Variants in IRAK1BP1 observed in about 807,000 individuals in gnomAD.
IRAK1BP1 encodes interleukin-1 receptor-associated kinase 1-binding protein 1.
In IRAK1BP1, 24 loss-of-function variants were observed where a neutral mutation model predicts 28.0. The observed-to-expected ratio is 0.86, with a 90% confidence interval of 0.62 to 1.20. The LOEUF (loss-of-function observed/expected upper bound fraction) is 1.20. IRAK1BP1 is among the 50% of genes most tolerant of loss of function. IRAK1BP1 has a pLI of 0.00. For missense variants in IRAK1BP1, 336 were observed against 316.7 expected, an observed-to-expected ratio of 1.06 and a Z score of -0.46; for synonymous variants, 131 against 116.3, an observed-to-expected ratio of 1.13 and a Z score of -0.81.
At chr6:78,963,857 A>C in the IRAK1BP1 span, among the ~76,000 whole-genome samples, 2 of 152,200 alleles carry the variant, frequency 1.3e-5, no homozygotes, top group African/African-American at 4.8e-5. Context: ...TTTGGCAGAT[A>C]CACTCTAGAA....
chr6:78,921,220 C>A (rs910264936), intron 4 of IRAK1BP1, among the ~76,000 whole-genome samples: 3 of 152,148 alleles, frequency 2.0e-5, no homozygotes. Context: ...CGGGTAACTC[C>A]CACCCTAATA....
chr6:78,962,980 T>A, the IRAK1BP1 span: 1 of 780,102 alleles, frequency 1.3e-6, no homozygotes, highest in Admixed American at 2.8e-5. Context: ...ACTTAAAATG[T>A]CTGAAACCAC....
the IRAK1BP1 span, chr6:78,966,086 T>A: frequency 7.7e-7 from 1 of 1,305,186 alleles, no homozygotes; most frequent in East Asian, 2.3e-5. Context: ...AACTCATCAT[T>A]CTGAAATGCA....
intron 4 of IRAK1BP1, among the ~76,000 whole-genome samples, chr6:78,910,513 ACT>A (rs2127661319): frequency 6.6e-6 from 1 of 152,402 alleles, no homozygotes; most frequent in South Asian, 2.1e-4. Context: ...AACAATAGTT[ACT>A]GTTTGACGAA....
intron 1 of IRAK1BP1, chr6:78,871,908 T>C: frequency 1.9e-6 from 1 of 529,664 alleles, no homozygotes; most frequent in East Asian, 3.2e-5. Context: ...AGGCCCAGCT[T>C]CCATCTGACA....
the IRAK1BP1 span, among the ~76,000 whole-genome samples, chr6:78,979,115 G>A: frequency 6.3e-4 from 96 of 152,120 alleles, 1 homozygote; most frequent in South Asian, 8.1e-3. Context: ...GAACATCCCT[G>A]GATTTTGTTA....
At chr6:78,956,944 T>C in the IRAK1BP1 span, 5 of 152,206 alleles carry the variant, frequency 3.3e-5, no homozygotes, top group East Asian at 1.9e-4. Context: ...TATGTATCAA[T>C]TGCTTGAAAT....
intron 4 of IRAK1BP1, chr6:78,945,308 A>G (rs1773743521): frequency 1.2e-6 from 2 of 1,607,020 alleles, no homozygotes; most frequent in East Asian, 2.2e-5. Context: ...ACCTTGCTCA[A>G]TGACAGCTGA....
chr6:78,907,029 T>C (rs530001940), downstream of IRAK1BP1, among the ~76,000 whole-genome samples: 3 of 152,300 alleles, frequency 2.0e-5, no homozygotes, highest in South Asian at 6.2e-4. Flanking sequence ...TGAAATGCCA[T>C]ATTGATACAG....
At chr6:78,935,791 A>G (rs948050546) in intron 4 of IRAK1BP1, 1 of 974,746 alleles carries the variant, frequency 1.0e-6, no homozygotes, top group African/African-American at 1.8e-5. Context: ...CAGCTTGTTG[A>G]GATTATGTAC....
At chr6:78,931,201 G>A (rs1169783820) in intron 4 of IRAK1BP1, among the ~76,000 whole-genome samples, 1 of 152,058 alleles carries the variant, frequency 6.6e-6, no homozygotes, top group African/African-American at 2.4e-5. Flanking sequence ...AGGAGTTTGA[G>A]ACCAGCATGG....
At chr6:78,917,812 C>T (rs1380223019) in intron 4 of IRAK1BP1, among the ~76,000 whole-genome samples, 2 of 152,190 alleles carry the variant, frequency 1.3e-5, no homozygotes, top group East Asian at 3.9e-4. Context: ...AATTTCATAT[C>T]CTGCCAAACT....
At chr6:78,917,586 T>A (rs1253089805) in intron 4 of IRAK1BP1, among the ~76,000 whole-genome samples, 1 of 114,738 alleles carries the variant, frequency 8.7e-6, no homozygotes, top group Non-Finnish European at 1.7e-5. Context: ...CTATACAAAA[T>A]GAACATTGCC....
intron 1 of IRAK1BP1, among the ~76,000 whole-genome samples, chr6:78,872,473 A>G (rs1289208295): frequency 2.6e-5 from 4 of 152,220 alleles, no homozygotes; most frequent in African/African-American, 9.6e-5. Flanking sequence ...TTACAGGTTA[A>G]GCATCCCATC....
At chr6:78,945,880 G>T in exon 5 of IRAK1BP1, 1 of 714,762 alleles carries the variant, frequency 1.4e-6, no homozygotes, top group Admixed American at 2.5e-5. Flanking sequence ...AATTAATAAA[G>T]AAGGCAAAAA....
At chr6:78,962,616 G>T in the IRAK1BP1 span, among the ~76,000 whole-genome samples, 3 of 152,106 alleles carry the variant, frequency 2.0e-5, no homozygotes, top group Non-Finnish European at 4.4e-5. Context: ...CCAGAATTTA[G>T]ATAATCAAGT....
chr6:78,905,870 G>A (rs553096887), downstream of IRAK1BP1, among the ~76,000 whole-genome samples: 2 of 152,156 alleles, frequency 1.3e-5, no homozygotes, highest in East Asian at 1.9e-4. Flanking sequence ...CAAAGTGCTG[G>A]GATTACAGGC....
intron 2 of IRAK1BP1, among the ~76,000 whole-genome samples, chr6:78,893,349 T>TATA (rs1771752026): frequency 8.0e-6 from 1 of 125,748 alleles, no homozygotes; most frequent in Admixed American, 8.3e-5. Flanking sequence ...TATATATATA[T>TATA]CAACGAAGAG....
chr6:78,970,352 T>C, the IRAK1BP1 span, among the ~76,000 whole-genome samples: 88 of 152,116 alleles, frequency 5.8e-4, 2 homozygotes, highest in African/African-American at 2.1e-3. Flanking sequence ...AGTATGCAAG[T>C]TACAATGAAA....
Sources: gnomAD v4.1 joint callset for allele counts (sites outside exome capture counted in the v4.1 genomes callset) on GRCh38, gnomAD v4.1.1 for gene constraint, MANE v1.5 for transcripts, NCBI Gene and HGNC (gene_info 2026-07-23, HGNC 2026-07-21) for gene names.